GALM: variants seen among roughly 807,000 people sequenced by gnomAD.
GALM encodes the protein galactose mutarotase.
Under a neutral mutation model 37.4 loss-of-function variants are expected in GALM, and 43 were observed. The ratio of observed to expected loss-of-function variants is 1.15; its 90% CI spans 0.90 to 1.48. The LOEUF (loss-of-function observed/expected upper bound fraction) is 1.48, where lower values mean the gene tolerates loss of function less well. GALM is among the 40% of genes most tolerant of loss of function. The probability of loss-of-function intolerance (pLI) is 0.00; values close to 1 mark genes in which losing one functional copy is unlikely to be tolerated. For synonymous variants in GALM, 199 were observed against 170.6 expected (o/e 1.17, Z -1.30); for missense variants, 456 against 419.1 (o/e 1.09, Z -0.77).
intron 4 of GALM, among the ~76,000 whole-genome samples, chr2:38,724,692 G>C (rs1666450961): frequency 6.8e-6 from 1 of 146,340 alleles, no homozygotes; most frequent in Non-Finnish European, 1.6e-5. Flanking sequence ...TTTTAAGTCA[G>C]GGCTTCTTTG....
At chr2:38,702,932 T>TTATATATATATATATATA (rs202010853) in intron 4 of GALM, among the ~76,000 whole-genome samples, 14 of 134,882 alleles carry the variant, frequency 1.0e-4, no homozygotes, top group African/African-American at 3.9e-4. Flanking sequence ...TATATACTTT[T>TTATATATATATATATATA]TATATATATA....
rs114163804 is a variant in GALM, at chr2:38,689,847, T to C, written c.587T>C (p.Ile196Thr). 58 of 1,612,036 alleles carry C rather than the reference T, an allele frequency of 3.6e-5. No homozygotes were observed. The East Asian group carries it at 6.2e-4, about 17-fold the overall frequency. ...AATATAAATGACCATGAAGTCACCA[T>C]AGAAGCGGATACTTATTTGCCTGTG... ...SPNINDHEVT[I>T]EADTYLPVDE... The change falls in exon 4 of 7, where the codon ATA becomes ACA. Residue 196 changes from isoleucine to threonine, a missense_variant. Transcript: ENST00000272252.
intron 4 of GALM, among the ~76,000 whole-genome samples, chr2:38,690,444 C>T (rs1303771901): frequency 2.0e-5 from 3 of 151,614 alleles, no homozygotes; most frequent in South Asian, 2.1e-4. Context: ...GGGAGGGGGG[C>T]GGTGCGGGAG....
chr2:38,687,819 T>C (rs540934253), intron 3 of GALM, among the ~76,000 whole-genome samples: 1 of 152,304 alleles, frequency 6.6e-6, no homozygotes, highest in African/African-American at 2.4e-5. Context: ...GTCTCTAAAA[T>C]CTTGACCTTT....
intron 4 of GALM, among the ~76,000 whole-genome samples, chr2:38,709,406 A>C (rs1666106159): frequency 1.3e-5 from 2 of 152,184 alleles, no homozygotes. Flanking sequence ...ACGTGGTCCC[A>C]ACCATGAAGC....
chr2:38,729,716 C>T lies in GALM; in HGVS notation c.776+19C>T. On this transcript the variant is annotated intron_variant, in intron 5 of 6. Coordinates refer to ENST00000272252, the MANE Select transcript of GALM (RefSeq NM_138801.3). ...GTGCAAGGTCAGGTACTTTTCACTT[C>T]CTGAGTCTGTAAGGAAGAAATGACA... 1 of 1,601,686 alleles carries T rather than the reference C, an allele frequency of 6.2e-7. No individual in the cohort carries two copies.
chr2:38,694,206 G>T (rs1365398474), intron 4 of GALM, among the ~76,000 whole-genome samples: 1 of 152,106 alleles, frequency 6.6e-6, no homozygotes, highest in Non-Finnish European at 1.5e-5. Context: ...GATTTGGGAG[G>T]TAGGGGAGAG....
chr2:38,706,918 T>C (rs1333023351), intron 4 of GALM, among the ~76,000 whole-genome samples: 1 of 150,528 alleles, frequency 6.6e-6, no homozygotes, highest in Non-Finnish European at 1.5e-5. Context: ...AAGCAAGAGA[T>C]GAGACCCAAA....
intron 3 of GALM, chr2:38,682,391 C>T: frequency 3.4e-6 from 1 of 291,048 alleles, no homozygotes; most frequent in South Asian, 2.9e-5. Context: ...TTTTCTACCG[C>T]AAGATGGTGT....
intron 4 of GALM, among the ~76,000 whole-genome samples, chr2:38,708,731 G>GAA (rs35151264): frequency 0.13 from 12,036 of 91,400 alleles, 603 homozygotes; most frequent in Non-Finnish European, 0.16. Flanking sequence ...TCTGTCTCAA[G>GAA]AAAAAAAAAA....
chr2:38,669,153 CAAAG>C (rs1312458185), intron 1 of GALM: 1 of 152,124 alleles, frequency 6.6e-6, no homozygotes, highest in Non-Finnish European at 1.5e-5. Flanking sequence ...TTTCTGCCTC[CAAAG>C]AAAGAAGTAA....
intron 4 of GALM, among the ~76,000 whole-genome samples, chr2:38,719,321 T>C (rs1003378891): frequency 1.3e-4 from 20 of 151,400 alleles, no homozygotes; most frequent in Admixed American, 1.2e-3. Context: ...AATACAAAAA[T>C]TAGCCAGGCG....
intron 2 of GALM, among the ~76,000 whole-genome samples, chr2:38,676,781 T>A (rs7569498): frequency 0.28 from 42,313 of 151,868 alleles, 9,089 homozygotes; most frequent in African/African-American, 0.58. Flanking sequence ...AAAAAATAAA[T>A]AATAAATAAA....
intron 4 of GALM, among the ~76,000 whole-genome samples, chr2:38,708,969 G>A (rs574655913): frequency 1.3e-5 from 2 of 152,280 alleles, no homozygotes; most frequent in South Asian, 4.1e-4. Context: ...GCTTTCTCCA[G>A]CTCTCTCGGC....
chr2:38,698,485 G>C (rs576945867), intron 4 of GALM: 1 of 911,626 alleles, frequency 1.1e-6, no homozygotes, highest in Admixed American at 3.2e-5. Context: ...TTAGCTCTGC[G>C]TCTTCAGAGC....
At chr2:38,732,943 A>AG (rs1666634683) in intron 6 of GALM, among the ~76,000 whole-genome samples, 1 of 145,860 alleles carries the variant, frequency 6.9e-6, no homozygotes, top group Non-Finnish European at 1.5e-5. Context: ...AAAAAGGGCC[A>AG]GGTGCGGTGG....
rs563715476 is a variant in GALM at position 38,674,731 on chromosome 2, C to T, written c.191-1181C>T. On this transcript the variant is annotated intron_variant, in intron 1 of 6. Transcript: ENST00000272252. ...AAGATCGCTTCCCCTCAAGACCACACGAAAGTATAACTTTGGCCTAGAGAA... is the reference window on the plus strand; with the variant it reads ...AAGATCGCTTCCCCTCAAGACCACATGAAAGTATAACTTTGGCCTAGAGAA... Among the ~76,000 whole-genome samples the T allele has an allele frequency of 1.1e-4, 17 of 152,206 alleles. No homozygotes were observed. The South Asian group carries it at 3.3e-3, about 30-fold the overall frequency.
At chr2:38,732,264 C>T (rs1666624334) in intron 6 of GALM, among the ~76,000 whole-genome samples, 2 of 152,286 alleles carry the variant, frequency 1.3e-5, no homozygotes, top group Middle Eastern at 3.4e-3. Flanking sequence ...ACCATGTTGG[C>T]CAGGCTGGTC....
intron 4 of GALM, among the ~76,000 whole-genome samples, chr2:38,713,350 C>T (rs1486953482): frequency 5.3e-5 from 8 of 152,158 alleles, no homozygotes; most frequent in Non-Finnish European, 1.0e-4. Context: ...CTGATCCTAA[C>T]GGCAGATCTA....
Sources: gnomAD v4.1 joint callset for allele counts (sites outside exome capture counted in the v4.1 genomes callset) on GRCh38, gnomAD v4.1.1 for gene constraint, MANE v1.5 for transcripts, NCBI Gene and HGNC (gene_info 2026-07-23, HGNC 2026-07-21) for gene names.